HIVEP2: variants seen among roughly 807,000 people sequenced by gnomAD.
HIVEP2 encodes the protein HIVEP zinc finger 2.
In HIVEP2, 14 loss-of-function variants were observed where a neutral mutation model predicts 180.7. The ratio of observed to expected loss-of-function variants is 0.08; its 90% CI spans 0.05 to 0.12. The LOEUF (loss-of-function observed/expected upper bound fraction) is 0.12. Among genes scored for constraint, HIVEP2 ranks in the 10% least tolerant of loss-of-function variants. HIVEP2 has a pLI of 1.00. For missense variants in HIVEP2, 2,579 were observed against 3,008.5 expected (o/e 0.86, Z 3.34); for synonymous variants, 1,184 against 1,136.4 (o/e 1.04, Z -0.84).
chr6:142,945,575 C>T (rs1778308054), upstream of HIVEP2, among the ~76,000 whole-genome samples: 2 of 152,342 alleles, frequency 1.3e-5, no homozygotes, highest in South Asian at 4.1e-4. This position sits in a 1 kb window ranked among gnomAD's most constrained non-coding sequence, Gnocchi z 5.5. Flanking sequence ...CTGCACCCAG[C>T]ACCCCAGACG....
chr6:142,921,296 C>T (rs924518462), intron 1 of HIVEP2, among the ~76,000 whole-genome samples: 4 of 152,230 alleles, frequency 2.6e-5, no homozygotes, highest in Non-Finnish European at 5.9e-5. Flanking sequence ...AATCCCAGCA[C>T]TTTGGGAGGC....
intron 3 of HIVEP2, among the ~76,000 whole-genome samples, chr6:142,776,555 G>A (rs1450549202): frequency 6.8e-6 from 1 of 147,402 alleles, no homozygotes; most frequent in Non-Finnish European, 1.5e-5. Context: ...TTTTGAGATA[G>A]AGTCTCACTC....
In HIVEP2 at chr6:142,768,527, C is replaced by T. The variant is rs753249798; in HGVS notation, c.5197G>A (p.Asp1733Asn). The change falls in exon 6 of 10, where the codon GAT (aspartate) becomes AAT (asparagine). Residue 1733 changes from aspartate to asparagine, a missense_variant. Asp to Asn is a conservative substitution (Grantham distance 23). Coordinates refer to ENST00000367603, the MANE Select transcript of HIVEP2 (RefSeq NM_006734.4). ...TTGCTGCCAAATAAAAAGGACGCAT[C>T]AGGTTTCATCTGTAAGACAAGAAGA... ...AWKQFTQMKPDASFLFGSKLE... is the reference protein window; with the variant it reads ...AWKQFTQMKPNASFLFGSKLE... 5.6e-6 allele frequency: 9 copies of T among 1,613,140 alleles called. No individual in the cohort carries two copies. In the Admixed American group the frequency reaches 1.5e-4, roughly 27 times the overall value.
intron 1 of HIVEP2, among the ~76,000 whole-genome samples, chr6:142,913,953 C>T (rs1777484944): frequency 6.6e-6 from 1 of 152,156 alleles, no homozygotes; most frequent in Non-Finnish European, 1.5e-5. Context: ...CACAGTGTAC[C>T]GCAAAACTCA....
intron 1 of HIVEP2, among the ~76,000 whole-genome samples, chr6:142,839,126 A>G (rs1298686694): frequency 1.3e-5 from 2 of 152,168 alleles, no homozygotes; most frequent in Non-Finnish European, 2.9e-5. Flanking sequence ...GCCCAGAAGA[A>G]GCAGATCTGT....
chr6:142,825,287 T>TACACACAC lies in HIVEP2; in HGVS notation c.-528+11640_-528+11647dup, dbSNP rs11468410. On this transcript the variant is annotated intron_variant, in intron 2 of 9. Coordinates refer to ENST00000367603, the MANE Select transcript of HIVEP2 (RefSeq NM_006734.4). ...TTGCAGACACATACTAAAGTCCAATTACACACACACACACACACACACACA... is the reference window on the plus strand; with the variant it reads ...TTGCAGACACATACTAAAGTCCAATTACACACACACACACACACACACACACACACACA... Among the ~76,000 whole-genome samples the TACACACAC allele has an allele frequency of 4.7e-5, 7 of 149,818 alleles. No individual in the cohort carries two copies. In the South Asian group the frequency reaches 6.4e-4, roughly 14 times the overall value.
chr6:142,832,804 G>A (rs996017965), intron 2 of HIVEP2, among the ~76,000 whole-genome samples: 38 of 152,180 alleles, frequency 2.5e-4, no homozygotes, highest in African/African-American at 9.2e-4. Flanking sequence ...GGAAGTGATT[G>A]GGTAAACTTA....
intron 1 of HIVEP2, among the ~76,000 whole-genome samples, chr6:142,900,515 A>C (rs1350111921): frequency 1.3e-5 from 2 of 152,330 alleles, no homozygotes; most frequent in East Asian, 3.9e-4. Flanking sequence ...CCTACTCTAC[A>C]TGAAGGCTGC....
intron 1 of HIVEP2, among the ~76,000 whole-genome samples, chr6:142,837,645 C>T (rs1047582084): frequency 6.6e-6 from 1 of 152,052 alleles, no homozygotes; most frequent in African/African-American, 2.4e-5. Context: ...TCACAAATAG[C>T]TTAATTATTA....
At chr6:142,826,177 C>A (rs1266260013) in intron 2 of HIVEP2, among the ~76,000 whole-genome samples, 1 of 152,104 alleles carries the variant, frequency 6.6e-6, no homozygotes, top group Non-Finnish European at 1.5e-5. Context: ...TAAAATATAT[C>A]TTATTACATA....
rs1325083105 is a variant in HIVEP2, at chr6:142,759,816, T to C, written c.6472A>G (p.Met2158Val). 20 of 1,612,394 alleles carry C rather than the reference T, an allele frequency of 1.2e-5. No homozygotes were observed. The highest frequency in any genetic ancestry group is 1.6e-5 in the Non-Finnish European group (19 of 1,178,894). The part of the protein sequence containing the change: ...RALYHNPPLS[M>V]GQYLQAEPIV... Reference sequence around the variant, plus strand: ...GGCTCTGCTTGCAAATACTGTCCCATGGACAATGGTGGGTTATGGTATAAA... The same window carrying C: ...GGCTCTGCTTGCAAATACTGTCCCACGGACAATGGTGGGTTATGGTATAAA... The change falls in exon 9 of 10, where the codon ATG becomes GTG. Residue 2158 changes from methionine (M) to valine (V), a missense_variant. By Grantham distance (21) the Met-to-Val change is conservative. Transcript: ENST00000367603.
chr6:142,847,857 A>AT (rs547968365), intron 1 of HIVEP2, among the ~76,000 whole-genome samples: 37 of 152,250 alleles, frequency 2.4e-4, no homozygotes, highest in Non-Finnish European at 4.4e-4. Flanking sequence ...ATTTTTATTC[A>AT]TGTATTTAAC....
At chr6:142,810,576 A>G (rs492156) in intron 2 of HIVEP2, among the ~76,000 whole-genome samples, 74,626 of 151,736 alleles carry the variant, frequency 0.49, 20,285 homozygotes, top group Non-Finnish European at 0.6. Context: ...AGTATAGCCA[A>G]GATGGTGAAA....
Position 142,771,719 on chromosome 6 carries a change from A to G in HIVEP2, c.3020T>C (p.Leu1007Pro). 2.5e-6 allele frequency: 4 copies of G among 1,614,226 alleles called. No individual in the cohort carries two copies. The highest frequency in any genetic ancestry group is 3.4e-6 in the Non-Finnish European group (4 of 1,180,034). ...TGAGTATGAACCAGCAGGGACAGTC[A>G]GAAACTCTGAATGCTTCCCAAACTC... ...QDEFGKHSEF[L>P]TVPAGSYSLS... is the part of the protein sequence containing the mutation. Residue 1007 changes from leucine (L) to proline (P), a missense_variant, in exon 5 of 10, where the codon CTG (leucine) becomes CCG (proline). Physicochemically the swap from Leu to Pro is moderately conservative, Grantham distance 98 (BLOSUM62 -3). Coordinates refer to ENST00000367603, the MANE Select transcript of HIVEP2 (RefSeq NM_006734.4). This position sits in a 1 kb window ranked among gnomAD's most constrained non-coding sequence, Gnocchi z 5.4.
chr6:142,758,059 A>C (rs1257385728), intron 9 of HIVEP2, among the ~76,000 whole-genome samples: 3 of 152,216 alleles, frequency 2.0e-5, no homozygotes, highest in Non-Finnish European at 4.4e-5. Context: ...CGTGTATACC[A>C]GAGAAAGCAT....
At chr6:142,884,350 T>C (rs1248183561) in intron 1 of HIVEP2, among the ~76,000 whole-genome samples, 1 of 152,114 alleles carries the variant, frequency 6.6e-6, no homozygotes, top group African/African-American at 2.4e-5. Context: ...AATCAATAAG[T>C]GTCTTTAAAA....
At chr6:142,769,458 G>T in intron 5 of HIVEP2, 94 bp downstream of exon 5, 1 of 1,137,728 alleles carries the variant, frequency 8.8e-7, no homozygotes, top group Non-Finnish European at 1.3e-6. Context: ...CATTTTACTT[G>T]TATTTTTTTT....
chr6:142,808,557 G>T (rs1776610250), intron 2 of HIVEP2, among the ~76,000 whole-genome samples: 2 of 150,600 alleles, frequency 1.3e-5, no homozygotes, highest in Admixed American at 1.3e-4. Flanking sequence ...GGGATGGATG[G>T]AAGAGAGAGA....
At chr6:142,758,057 C>A (rs1445326002) in intron 9 of HIVEP2, among the ~76,000 whole-genome samples, 1 of 152,184 alleles carries the variant, frequency 6.6e-6, no homozygotes, top group Non-Finnish European at 1.5e-5. Flanking sequence ...TGCGTGTATA[C>A]CAGAGAAAGC....
Sources: gnomAD v4.1 joint callset for allele counts (sites outside exome capture counted in the v4.1 genomes callset) on GRCh38, gnomAD v4.1.1 for gene constraint, Gnocchi (gnomAD v3.1) non-coding constraint, MANE v1.5 for transcripts, NCBI Gene and HGNC (gene_info 2026-07-23, HGNC 2026-07-21) for gene names.